Variants in STS observed in about 807,000 individuals in gnomAD.
The protein encoded by STS is steryl-sulfatase.
In STS, 7 loss-of-function variants were observed where a neutral mutation model predicts 26.8. The observed-to-expected ratio is 0.26, with a 90% CI of 0.15 to 0.49. The LOEUF is 0.49. Ranked by LOEUF, STS falls within the 20% of genes least tolerant of loss-of-function variation. STS has a pLI of 0.98. For synonymous variants in STS, 199 were observed against 189.4 expected (o/e 1.05, Z -0.42); for missense variants, 434 against 465.6 (o/e 0.93, Z 0.63).
At chrX:7,330,411 G>A (rs1927692539) in intron 9 of STS, among the ~76,000 whole-genome samples, 1 of 111,876 alleles carries the variant, frequency 8.9e-6, no homozygotes, top group Non-Finnish European at 1.9e-5. Context: ...TTTAACCATA[G>A]ACCCTTCAGC....
chrX:7,265,926 C>T (rs903466625), intron 6 of STS, among the ~76,000 whole-genome samples: 1 of 112,141 alleles, frequency 8.9e-6, no homozygotes, highest in African/African-American at 3.2e-5. Flanking sequence ...ACATTGGTGA[C>T]ACCACCATGT....
intron 5 of STS, among the ~76,000 whole-genome samples, chrX:7,258,105 CATAGATAG>C (rs72344557): frequency 0.32 from 29,506 of 92,519 alleles, 4,079 homozygotes; most frequent in Admixed American, 0.37. Flanking sequence ...GAAAAACAGA[CATAGATAG>C]ATAGATAGAT....
intron 7 of STS, among the ~76,000 whole-genome samples, chrX:7,292,858 T>A (rs1232739061): frequency 9.0e-6 from 1 of 111,231 alleles, no homozygotes; most frequent in Non-Finnish European, 1.9e-5. Flanking sequence ...TGAACCAGTC[T>A]AGTTAGGACT....
chrX:7,273,481 C>T lies in STS; in HGVS notation c.807-2470C>T, dbSNP rs147692320. Among the ~76,000 whole-genome samples, 750 of 111,654 alleles carry T rather than the reference C, an allele frequency of 6.7e-3. 3 individuals carry two copies. Among genetic ancestry groups the T allele is most frequent in the Non-Finnish European group, 6.5e-3 (345 of 53,088 alleles). On this transcript the variant is annotated intron_variant, in intron 6 of 10. Coordinates refer to ENST00000674429, the MANE Select transcript of STS (RefSeq NM_001320752.2). ...GGCCATAAAGAAATTCCCCAACCTA[C>T]CTTGACTGTGGGTCCTAGCACTCCC...
chrX:7,349,636 T>C (rs1293514726), intron 10 of STS, among the ~76,000 whole-genome samples: 2 of 111,168 alleles, frequency 1.8e-5, no homozygotes, highest in Non-Finnish European at 3.8e-5. Flanking sequence ...TTTTGGACTT[T>C]CTGGAAACTG....
chrX:7,272,514 G>T (rs1244514687), intron 6 of STS, among the ~76,000 whole-genome samples: 2 of 111,627 alleles, frequency 1.8e-5, no homozygotes, highest in Admixed American at 9.5e-5. Context: ...TAGAGCAACC[G>T]TTACATAAAC....
chrX:7,195,446 A>G (rs1933956233), intron 2 of STS, among the ~76,000 whole-genome samples: 1 of 112,322 alleles, frequency 8.9e-6, no homozygotes, highest in Admixed American at 9.5e-5. Flanking sequence ...GGACCTGTGA[A>G]TTAGTGCAAG....
intron 2 of STS, among the ~76,000 whole-genome samples, chrX:7,204,620 C>T (rs1446006563): frequency 9.9e-6 from 1 of 100,786 alleles, no homozygotes; most frequent in South Asian, 5.0e-4. Context: ...CCTTCCCTTC[C>T]TTCTTCCCTC....
intron 2 of STS, among the ~76,000 whole-genome samples, chrX:7,244,684 C>T (rs1922781782): frequency 9.0e-6 from 1 of 111,106 alleles, no homozygotes; most frequent in Non-Finnish European, 1.9e-5. Context: ...GGACAGCATC[C>T]TGTCGGGGTT....
At chrX:7,338,120 T>G (rs1054459269) in intron 10 of STS, among the ~76,000 whole-genome samples, 1 of 112,198 alleles carries the variant, frequency 8.9e-6, no homozygotes, top group Non-Finnish European at 1.9e-5. Flanking sequence ...TAACTTTTCT[T>G]GCACTAAAAT....
chrX:7,205,042 T>C (rs1245717956), intron 2 of STS, among the ~76,000 whole-genome samples: 1 of 111,909 alleles, frequency 8.9e-6, no homozygotes, highest in Non-Finnish European at 1.9e-5. Context: ...CCTGTTGTTG[T>C]ACACACACTG....
At chrX:7,199,533 A>G (rs760301197) in intron 2 of STS, among the ~76,000 whole-genome samples, 10 of 111,396 alleles carry the variant, frequency 9.0e-5, no homozygotes, top group African/African-American at 3.3e-4. Flanking sequence ...CTAAATTTTT[A>G]TGACTGTTTT....
intron 7 of STS, among the ~76,000 whole-genome samples, chrX:7,280,029 A>G (rs1409481211): frequency 8.9e-6 from 1 of 111,955 alleles, no homozygotes; most frequent in African/African-American, 3.2e-5. Context: ...TGAAATCTAC[A>G]CCACTTTGTT....
chrX:7,170,475 T>C (rs1933444870), intron 1 of STS, among the ~76,000 whole-genome samples: 2 of 111,038 alleles, frequency 1.8e-5, no homozygotes, highest in African/African-American at 6.5e-5. Context: ...TTTCACTCTG[T>C]CACCCAGACT....
Position 7,248,830 on chromosome X carries a change from ACTG to A in STS, c.-4-4365_-4-4363del, listed in dbSNP as rs757213169. ...TCTAGAATTCTTTTCATCTTGCAAA[ACTG>A]AAACTCTGTATCTATTAAATAATTA... is the stretch of plus-strand genomic sequence containing the variant. On this transcript the variant is annotated intron_variant, in intron 2 of 10. Coordinates refer to ENST00000674429, the MANE Select transcript of STS (RefSeq NM_001320752.2). Among the ~76,000 whole-genome samples, 10 of 111,133 alleles carry A rather than the reference ACTG, an allele frequency of 9.0e-5. No homozygotes were observed. In the East Asian group the frequency reaches 2.5e-3, roughly 28 times the overall value.
chrX:7,186,209 C>T (rs1317165190), intron 1 of STS, among the ~76,000 whole-genome samples: 2 of 112,619 alleles, frequency 1.8e-5, no homozygotes, highest in African/African-American at 3.2e-5. Context: ...TGGCAGTATA[C>T]TTAATCAATA....
At chrX:7,248,677 T>TAAC (rs1467086341) in intron 2 of STS, among the ~76,000 whole-genome samples, 1 of 82,403 alleles carries the variant, frequency 1.2e-5, no homozygotes, top group Non-Finnish European at 2.5e-5. Flanking sequence ...ATTTTTCTTG[T>TAAC]TTTTTTAAGA....
intron 7 of STS, among the ~76,000 whole-genome samples, chrX:7,296,367 A>G: frequency 8.9e-6 from 1 of 112,401 alleles, no homozygotes; most frequent in Middle Eastern, 4.6e-3. Context: ...AGTCCAGGAA[A>G]TACAATGGCA....
chrX:7,199,942 G>T (rs1244730895), intron 2 of STS, among the ~76,000 whole-genome samples: 2 of 110,591 alleles, frequency 1.8e-5, no homozygotes, highest in African/African-American at 6.6e-5. Flanking sequence ...AAATGTAAAA[G>T]ATAAGTATGT....
Sources: allele counts gnomAD v4.1 joint callset (sites outside exome capture counted in the v4.1 genomes callset), GRCh38; gene constraint gnomAD v4.1.1; transcripts MANE v1.5; gene names NCBI Gene and HGNC (gene_info 2026-07-23, HGNC 2026-07-21).